Variants in FANCA observed in about 807,000 individuals in gnomAD.
FANCA encodes FA complementation group A.
FANCA carries 236 observed loss-of-function variants against 194.3 expected under a neutral mutation model. The observed-to-expected ratio is 1.21, with a 90% CI of 1.09 to 1.35. The LOEUF (loss-of-function observed/expected upper bound fraction) is 1.35. FANCA is among the 40% of genes most tolerant of loss of function. The probability of loss-of-function intolerance (pLI) is 0.00; values close to 1 mark genes in which losing one functional copy is unlikely to be tolerated. For synonymous variants in FANCA, 1,014 were observed against 715.8 expected, an observed-to-expected ratio of 1.42 and a Z score of -6.65; for missense variants, 2,628 against 1,813.9, an observed-to-expected ratio of 1.45 and a Z score of -8.15.
intron 14 of FANCA, among the ~76,000 whole-genome samples, chr16:89,789,798 A>G (rs1318901091): frequency 6.6e-6 from 1 of 152,134 alleles, no homozygotes; most frequent in African/African-American, 2.4e-5. Flanking sequence ...CACAAGCACT[A>G]AAAGAGAAAC....
At chr16:89,759,349 A>AAAAAAAAAAAAAAAAG (rs1386463570) in intron 29 of FANCA, among the ~76,000 whole-genome samples, 1 of 139,460 alleles carries the variant, frequency 7.2e-6, no homozygotes, top group Admixed American at 7.4e-5. Context: ...AAAAAAAAAA[A>AAAAAAAAAAAAAAAAG]GTAGCCTGGA....
rs2041025401 is a variant in FANCA at position 89,814,549 on chromosome 16, G to A, written c.254C>T (p.Ala85Val). The change falls in exon 3 of 43, where the codon GCC becomes GTC. Residue 85 changes from alanine (A) to valine (V), a missense_variant. By Grantham distance (64) the Ala-to-Val change is moderately conservative (BLOSUM62 0). Coordinates refer to ENST00000389301, the MANE Select transcript of FANCA (RefSeq NM_000135.4). Reference protein sequence around the residue: ...SKVIDCDSSEAYANHSSSFIG... With the variant: ...SKVIDCDSSEVYANHSSSFIG... ...AAATGAACTAGAATGATTAGCATAGGCCTCAGAACTGTCACAGTCAATCAC... is the reference window on the plus strand; with the variant it reads ...AAATGAACTAGAATGATTAGCATAGACCTCAGAACTGTCACAGTCAATCAC... 1 of 1,613,134 alleles carries A rather than the reference G, an allele frequency of 6.2e-7. No individual in the cohort carries two copies. The highest frequency in any genetic ancestry group is 8.5e-7 in the Non-Finnish European group (1 of 1,179,280).
chr16:89,792,056 G>A lies in FANCA; in HGVS notation c.1096C>T (p.Leu366=), dbSNP rs754221782. 3 of 1,614,188 alleles carry A rather than the reference G, an allele frequency of 1.9e-6. No individual in the cohort carries two copies. The highest frequency in any genetic ancestry group is 2.5e-6 in the Non-Finnish European group (3 of 1,180,026). Reference sequence around the variant, plus strand: ...TGGCCAACCAACTCCTCTGCACTCAGCATCACAAAGAGCTGAAATAAAAGC... The same window carrying A: ...TGGCCAACCAACTCCTCTGCACTCAACATCACAAAGAGCTGAAATAAAAGC... The part of the protein sequence containing the change: ...TSLYRRLFVM[L]SAEELVGHLQ... The change falls in exon 13 of 43, where the codon CTG becomes TTG. Residue 366 remains leucine (L), a synonymous_variant. Transcript: ENST00000389301.
rs1163885123 is a variant in FANCA at position 89,770,608 on chromosome 16, G to C, written c.2178C>G (p.Phe726Leu). The change falls in exon 24 of 43, where the codon TTC (phenylalanine) becomes TTG (leucine). Residue 726 changes from phenylalanine (F) to leucine (L), a missense_variant. Phe to Leu is a conservative substitution (Grantham distance 22, BLOSUM62 0). Coordinates refer to ENST00000389301, the MANE Select transcript of FANCA (RefSeq NM_000135.4). The part of the protein sequence containing the change: ...HMAVDLLLTS[F>L]CQNLMAASSV... ...TGGAGGCAGCCATCAGGTTCTGACA[G>C]AAAGACGTCAGCAGGAGGTCCACAG... 1.2e-6 allele frequency: 2 copies of C among 1,611,766 alleles called. No individual in the cohort carries two copies. The highest frequency in any genetic ancestry group is 8.5e-7 in the Non-Finnish European group (1 of 1,179,002).
At chr16:89,812,703 T>C (rs535612855) in intron 3 of FANCA, among the ~76,000 whole-genome samples, 7 of 145,330 alleles carry the variant, frequency 4.8e-5, no homozygotes, top group East Asian at 2.0e-4. Flanking sequence ...GTTATTGTAA[T>C]GTACTGGCTC....
intron 3 of FANCA, among the ~76,000 whole-genome samples, chr16:89,813,032 CAA>C (rs34840110): frequency 0.11 from 13,416 of 127,044 alleles, 1,749 homozygotes; most frequent in African/African-American, 0.32. Context: ...CACTTCGTCT[CAA>C]AAAAAAAAAA....
At position 89,746,545 on chromosome 16, in the gene FANCA, AT is replaced by A. The variant is rs1355856197; in HGVS notation, c.3513+38del. The A allele has an allele frequency of 3.9e-6, 6 of 1,545,842 alleles. No individual in the cohort carries two copies. The African/African-American group carries it at 6.8e-5, about 17-fold the overall frequency. ...GAGGCAGCTGTGGAGTCTCCCACTC[AT>A]CCCCAAAACAAAACACCAAACAAGA... On this transcript the variant is annotated intron_variant, in intron 35 of 42. Coordinates refer to ENST00000389301, the MANE Select transcript of FANCA (RefSeq NM_000135.4).
At chr16:89,815,753 C>A in intron 2 of FANCA, 124 bp downstream of exon 2, 1 of 803,394 alleles carries the variant, frequency 1.2e-6, no homozygotes, top group Non-Finnish European at 2.2e-6. Context: ...GGCGACCCTC[C>A]CCTCTGCGGG....
At chr16:89,783,202 G>T in intron 15 of FANCA, 100 bp from the exon 16 acceptor site, 1 of 850,810 alleles carries the variant, frequency 1.2e-6, no homozygotes, top group Non-Finnish European at 2.0e-6. Flanking sequence ...GCTGAGTAGA[G>T]AAACACAGCC....
At chr16:89,781,790 G>T (rs2039716689) in intron 17 of FANCA, among the ~76,000 whole-genome samples, 1 of 151,832 alleles carries the variant, frequency 6.6e-6, no homozygotes, top group African/African-American at 2.4e-5. Flanking sequence ...ACGAGGTCAG[G>T]AGATCGAGAC....
intron 7 of FANCA, 36 bp from the exon 8 acceptor site, chr16:89,803,377 T>A: frequency 1.3e-6 from 2 of 1,580,902 alleles, no homozygotes; most frequent in African/African-American, 2.7e-5. Context: ...TTTATGGACA[T>A]CATGGTCTCC....
At chr16:89,810,901 G>A in intron 4 of FANCA, 28 bp downstream of exon 4, 2 of 1,614,146 alleles carry the variant, frequency 1.2e-6, no homozygotes, top group South Asian at 2.2e-5. Context: ...ACAACGGGCA[G>A]GTTTCCTCAT....
intron 26 of FANCA, among the ~76,000 whole-genome samples, chr16:89,767,470 C>G (rs951023318): frequency 6.6e-6 from 1 of 152,094 alleles, no homozygotes; most frequent in Admixed American, 6.5e-5. Flanking sequence ...CGGGTTCAAG[C>G]GAGTCTCCTG....
chr16:89,750,644 G>A (rs1293652230), intron 31 of FANCA, among the ~76,000 whole-genome samples: 1 of 151,636 alleles, frequency 6.6e-6, no homozygotes, highest in Non-Finnish European at 1.5e-5. Flanking sequence ...GTGGTGGCAG[G>A]CGCCTGTAAT....
intron 3 of FANCA, among the ~76,000 whole-genome samples, chr16:89,811,569 G>A (rs1049948956): frequency 1.3e-5 from 2 of 152,122 alleles, no homozygotes; most frequent in Non-Finnish European, 2.9e-5. Context: ...CAGTCCGCAG[G>A]CCACCAAGTG....
intron 27 of FANCA, among the ~76,000 whole-genome samples, chr16:89,765,981 G>C (rs2039112395): frequency 6.6e-6 from 1 of 151,832 alleles, no homozygotes; most frequent in Non-Finnish European, 1.5e-5. Context: ...GCCTGAAGTT[G>C]AAAACCATTA....
chr16:89,740,304 C>T, intron 38 of FANCA: 2 of 594,270 alleles, frequency 3.4e-6, no homozygotes, highest in Non-Finnish European at 6.0e-6. Context: ...CGAGCACCCA[C>T]ACCAAGGCTG....
At chr16:89,782,757 G>T in intron 17 of FANCA, 102 bp downstream of exon 17, 1 of 1,060,998 alleles carries the variant, frequency 9.4e-7, no homozygotes, top group Non-Finnish European at 1.4e-6. Context: ...CCAGACATGA[G>T]ACTGGGAAGG....
intron 27 of FANCA, among the ~76,000 whole-genome samples, chr16:89,766,588 G>T (rs866821429): frequency 6.6e-6 from 1 of 151,914 alleles, no homozygotes; most frequent in East Asian, 2.0e-4. Flanking sequence ...GGTGGCACGT[G>T]CCTGTAATCC....
Sources: gnomAD v4.1 joint callset for allele counts (sites outside exome capture counted in the v4.1 genomes callset) on GRCh38, gnomAD v4.1.1 for gene constraint, MANE v1.5 for transcripts, NCBI Gene and HGNC (gene_info 2026-07-23, HGNC 2026-07-21) for gene names.